The following GSK3A variants were observed in gnomAD, a reference collection of about 807,000 sequenced individuals.
GSK3A encodes glycogen synthase kinase-3 alpha.
A neutral mutation model predicts 56.6 loss-of-function variants in GSK3A; 14 were observed. The ratio of observed to expected loss-of-function variants is 0.25; its 90% CI spans 0.16 to 0.39. The LOEUF is 0.39. GSK3A is among the 10% of genes least tolerant of loss of function. The pLI is 1.00. For synonymous variants in GSK3A, 301 were observed against 285.0 expected (o/e 1.06, Z -0.56); for missense variants, 450 against 656.0 (o/e 0.69, Z 3.43).
At position 42,232,614 on chromosome 19, in the gene GSK3A, G is replaced by A; in HGVS notation, c.1167C>T (p.Ser389=). The A allele has an allele frequency of 2.5e-6, 4 of 1,613,694 alleles. No homozygotes were observed. Among genetic ancestry groups the A allele is most frequent in the South Asian group, 1.1e-5 (1 of 91,024 alleles). Residue 389 remains serine, a synonymous_variant, in exon 9 of 11, where the codon TCC becomes TCT. Transcript: ENST00000222330. The part of the protein sequence containing the change: ...LCSSLLEYTP[S]SRLSPLEACA... ...AGGCCTCTAGTGGGGAGAGCCTTGAGGATGGGGTGTACTCCAGCAGGCTAG... is the reference window on the plus strand; with the variant it reads ...AGGCCTCTAGTGGGGAGAGCCTTGAAGATGGGGTGTACTCCAGCAGGCTAG...
At chr19:42,231,721 C>T (rs972663113) in intron 10 of GSK3A, among the ~76,000 whole-genome samples, 2 of 150,058 alleles carry the variant, frequency 1.3e-5, no homozygotes, top group Admixed American at 6.7e-5. Context: ...TGCAGTGAGC[C>T]GAGATCGAGC....
At chr19:42,239,898 C>T (rs1329694144) in intron 2 of GSK3A, 57 bp downstream of exon 2, 6 of 1,440,162 alleles carry the variant, frequency 4.2e-6, no homozygotes, top group Non-Finnish European at 5.8e-6. Context: ...GGCTCAGGTT[C>T]TCCCACCAGT....
In GSK3A at chr19:42,234,798, TG is replaced by T. The variant is rs1315200887; in HGVS notation, c.667-121del. The T allele has an allele frequency of 7.5e-6, 8 of 1,061,564 alleles. No homozygotes were observed. Among genetic ancestry groups the T allele is most frequent in the Non-Finnish European group, 1.0e-5 (8 of 764,056 alleles). 65.8% of individuals were successfully genotyped at this position (1,061,564 alleles called of 1,614,324 possible). A position where few individuals can be genotyped will look rare whatever the true frequency, so the allele number is the denominator to read the frequency against. ...ACTCTCCCTGCTGCCCCCACAGCTTTGGGGAAACCCATTTGAAACCTTGGTT... is the reference window on the plus strand; with the variant it reads ...ACTCTCCCTGCTGCCCCCACAGCTTTGGGAAACCCATTTGAAACCTTGGTT... On this transcript the variant is annotated intron_variant, in intron 4 of 10. Transcript: ENST00000222330. This position sits in a 1 kb window ranked among gnomAD's most constrained non-coding sequence, Gnocchi z 5.7.
At chr19:42,230,913 A>ACACCC (rs2036219786) in intron 10 of GSK3A, 46 bp from the exon 11 acceptor site, 1 of 1,318,308 alleles carries the variant, frequency 7.6e-7, no homozygotes, top group Admixed American at 2.0e-5. Flanking sequence ...TGCCTTTCAG[A>ACACCC]CACCCCTTCG....
chr19:42,237,228 G>A (rs897724460), intron 2 of GSK3A, among the ~76,000 whole-genome samples: 1 of 150,320 alleles, frequency 6.7e-6, no homozygotes, highest in Non-Finnish European at 1.5e-5. Flanking sequence ...GCTCAATATC[G>A]GCTCACTGCA....
intron 10 of GSK3A, among the ~76,000 whole-genome samples, chr19:42,231,806 T>C (rs1376856545): frequency 6.6e-6 from 1 of 152,078 alleles, no homozygotes; most frequent in African/African-American, 2.4e-5. Flanking sequence ...GGCAACGAAT[T>C]CAACTTTTTG....
chr19:42,234,573 C>T lies in GSK3A; in HGVS notation c.772G>A (p.Val258Ile). 1 of 1,614,032 alleles carries T rather than the reference C, an allele frequency of 6.2e-7. No individual in the cohort carries two copies. Among genetic ancestry groups the T allele is most frequent in the South Asian group, 1.1e-5 (1 of 91,072 alleles). ...QNLLVDPDTA[V>I]LKLCDFGSAK... ...CTGCCAAAATCGCAGAGCTTGAGGACAGCAGTGTCAGGGTCCACCAGCAGG... is the reference window on the plus strand; with the variant it reads ...CTGCCAAAATCGCAGAGCTTGAGGATAGCAGTGTCAGGGTCCACCAGCAGG... The change falls in exon 5 of 11, where the codon GTC (valine) becomes ATC (isoleucine). Residue 258 changes from valine to isoleucine, a missense_variant. By Grantham distance (29) the Val-to-Ile change is conservative (BLOSUM62 3). Coordinates refer to ENST00000222330, the MANE Select transcript of GSK3A (RefSeq NM_019884.3). This position sits in a 1 kb window ranked among gnomAD's most constrained non-coding sequence, Gnocchi z 5.7.
At position 42,230,541 on chromosome 19, in the gene GSK3A, G is replaced by T; in HGVS notation, c.*253C>A. On this transcript the variant is annotated 3_prime_UTR_variant, in exon 11 of 11. Coordinates refer to ENST00000222330, the MANE Select transcript of GSK3A (RefSeq NM_019884.3). Reference sequence around the variant, plus strand: ...TCTGGGGGAGGGGAGGGGGCCAAGGGGGTAGGAGGTCCTCATCCCCCCAAC... The same window carrying T: ...TCTGGGGGAGGGGAGGGGGCCAAGGTGGTAGGAGGTCCTCATCCCCCCAAC... 1.8e-6 allele frequency: 1 copy of T among 545,162 alleles called. No homozygotes were observed. Among genetic ancestry groups the T allele is most frequent in the Non-Finnish European group, 3.3e-6 (1 of 303,686 alleles). The allele number at this position is 545,162 out of a possible 1,614,324, so 33.8% of individuals were successfully genotyped here.
At chr19:42,232,781 G>C in intron 8 of GSK3A, 99 bp from the exon 9 acceptor site, 1 of 1,020,976 alleles carries the variant, frequency 9.8e-7, no homozygotes, top group South Asian at 1.7e-5. Context: ...GTTATGACTG[G>C]TTGCTTCCCA....
chr19:42,242,302 G>T lies in GSK3A; in HGVS notation c.164C>A (p.Ala55Asp). The T allele has an allele frequency of 2.8e-6, 4 of 1,442,322 alleles. No homozygotes were observed. Among genetic ancestry groups the T allele is most frequent in the Non-Finnish European group, 3.6e-6 (4 of 1,104,390 alleles). 89.3% of individuals were successfully genotyped at this position (1,442,322 alleles called of 1,614,324 possible). Residue 55 changes from alanine (A) to aspartate (D), a missense_variant, in exon 1 of 11, where the codon GCC becomes GAC. Transcript: ENST00000222330. ...CGAGGCCCCGACGCCCCCACCCATG[G>T]CCCCGACAGATGCCTTTCCGCCGCC... ...GTGGGKASVG[A>D]MGGGVGASSS...
At position 42,230,507 on chromosome 19, in the gene GSK3A, AGGTGGAGGTCT is replaced by A. The variant is rs2036215987; in HGVS notation, c.*276_*286del. The A allele has an allele frequency of 3.0e-6, 1 of 332,896 alleles. No individual in the cohort carries two copies. The allele number at this position is 332,896 out of a possible 1,614,324, so 20.6% of individuals were successfully genotyped here. ...CACAGGAGGGGAGGGGGTCTGGAGG[AGGTGGAGGTCT>A]GGGGGAGGGGAGGGGGCCAAGGGGG... On this transcript the variant is annotated 3_prime_UTR_variant, in exon 11 of 11. Coordinates refer to ENST00000222330, the MANE Select transcript of GSK3A (RefSeq NM_019884.3).
Position 42,242,356 on chromosome 19 carries a change from C to G in GSK3A, c.110G>C (p.Gly37Ala). The change falls in exon 1 of 11, where the codon GGA (glycine) becomes GCA (alanine). Residue 37 changes from glycine to alanine, a missense_variant. Physicochemically the swap from Gly to Ala is moderately conservative, Grantham distance 60. This residue lies in a region of GSK3A where 193 missense variants were observed against 200.5 expected (regional missense o/e 0.96). Coordinates refer to ENST00000222330, the MANE Select transcript of GSK3A (RefSeq NM_019884.3). The part of the protein sequence containing the change: ...GGGGGGGGGP[G>A]GSASGPGGTG... ...GCCGCCTGGGCCGGAGGCCGAGCCTCCGGGGCCGCCGCCGCCTCCTCCGCC... is the reference window on the plus strand; with the variant it reads ...GCCGCCTGGGCCGGAGGCCGAGCCTGCGGGGCCGCCGCCGCCTCCTCCGCC... 7.1e-7 allele frequency: 1 copy of G among 1,407,570 alleles called. No homozygotes were observed. Among genetic ancestry groups the G allele is most frequent in the Non-Finnish European group, 9.2e-7 (1 of 1,083,812 alleles). The allele number at this position is 1,407,570 out of a possible 1,614,324, so 87.2% of individuals were successfully genotyped here.
chr19:42,237,595 G>C (rs2036265361), intron 2 of GSK3A, among the ~76,000 whole-genome samples: 1 of 151,864 alleles, frequency 6.6e-6, no homozygotes, highest in Middle Eastern at 3.2e-3. Context: ...GGATAGGCCA[G>C]GGCCAGGCGT....
intron 1 of GSK3A, chr19:42,241,504 C>G (rs970464350): frequency 1.3e-5 from 2 of 152,188 alleles, no homozygotes; most frequent in Non-Finnish European, 2.9e-5. Context: ...TATTTTAAAA[C>G]ATGGACTATG....
intron 10 of GSK3A, 116 bp from the exon 11 acceptor site, chr19:42,230,983 T>A: frequency 1.3e-6 from 1 of 753,662 alleles, no homozygotes; most frequent in Non-Finnish European, 2.4e-6. Context: ...TACAAGCTGT[T>A]ACTTTAGGTG....
At chr19:42,241,380 A>C (rs947397405) in intron 1 of GSK3A, 1 of 151,840 alleles carries the variant, frequency 6.6e-6, no homozygotes, top group African/African-American at 2.4e-5. Flanking sequence ...AGCCAATGAC[A>C]CCATACCTTA....
In GSK3A at chr19:42,236,645, G is replaced by A. The variant is rs1285405927; in HGVS notation, c.627C>T (p.Phe209=). 3.1e-6 allele frequency: 5 copies of A among 1,613,880 alleles called. No individual in the cohort carries two copies. Among genetic ancestry groups the A allele is most frequent in the Non-Finnish European group, 4.2e-6 (5 of 1,179,750 alleles). The change falls in exon 4 of 11, where the codon TTC becomes TTT. Residue 209 remains phenylalanine (F), a synonymous_variant. Coordinates refer to ENST00000222330, the MANE Select transcript of GSK3A (RefSeq NM_019884.3). ...TAGGGATGGTCAACTTGGCCTTGGT[G>A]AAGTGGCGGGCCACCCGGTACACTG... ...PETVYRVARH[F]TKAKLTIPIL...
intron 4 of GSK3A, among the ~76,000 whole-genome samples, chr19:42,235,131 CA>C (rs202174582): frequency 6.7e-5 from 10 of 149,514 alleles, no homozygotes; most frequent in East Asian, 2.0e-4. Flanking sequence ...TCAAAAAAAA[CA>C]AAAAAAAAGG....
intron 10 of GSK3A, 146 bp downstream of exon 10, chr19:42,231,911 A>C (rs558110707): frequency 8.7e-6 from 5 of 574,054 alleles, no homozygotes; most frequent in Admixed American, 7.2e-5. Context: ...AAAGGTGGTC[A>C]TTCACATGTT....
Sources: gnomAD v4.1 joint callset for allele counts (sites outside exome capture counted in the v4.1 genomes callset) on GRCh38, gnomAD v4.1.1 for gene constraint, gnomAD v4.1.1 regional missense constraint, Gnocchi (gnomAD v3.1) non-coding constraint, MANE v1.5 for transcripts, NCBI Gene and HGNC (gene_info 2026-07-23, HGNC 2026-07-21) for gene names.